Variants in SMURF1 observed in about 807,000 individuals in gnomAD.
The protein encoded by SMURF1 is E3 ubiquitin-protein ligase SMURF1.
A neutral mutation model predicts 98.0 loss-of-function variants in SMURF1; 44 were observed. The observed-to-expected ratio is 0.45, with a 90% CI of 0.35 to 0.58. The LOEUF (loss-of-function observed/expected upper bound fraction) is 0.58. Ranked by LOEUF, SMURF1 falls within the 20% of genes least tolerant of loss-of-function variation. The pLI is 0.00. For synonymous variants in SMURF1, 396 were observed against 374.9 expected, an observed-to-expected ratio of 1.06 and a Z score of -0.65; for missense variants, 687 against 938.4, an observed-to-expected ratio of 0.73 and a Z score of 3.50.
intron 15 of SMURF1, among the ~76,000 whole-genome samples, chr7:99,036,772 A>G (rs370152465): frequency 1.3e-5 from 2 of 152,172 alleles, no homozygotes; most frequent in African/African-American, 4.8e-5. Context: ...GGAGAGGGCT[A>G]TGCAATCTCC....
intron 1 of SMURF1, among the ~76,000 whole-genome samples, chr7:99,102,220 T>A (rs1198852433): frequency 6.6e-6 from 1 of 152,204 alleles, no homozygotes; most frequent in Admixed American, 6.5e-5. Flanking sequence ...AAAATCTCCC[T>A]AATATTATGA....
chr7:99,080,019 T>A lies in SMURF1; in HGVS notation c.56-18182A>T, dbSNP rs540144444. On this transcript the variant is annotated intron_variant, in intron 1 of 17. Transcript: ENST00000361368. ...AAGAAAAAAAAAAAAAGAACAAACC[T>A]TTTTAAGTAAGCTCAAGAAAAAGAA... Among the ~76,000 whole-genome samples the A allele has an allele frequency of 7.9e-5, 12 of 150,988 alleles. No homozygotes were observed. In the East Asian group the frequency reaches 1.5e-3, roughly 19 times the overall value.
In SMURF1 at chr7:99,030,642, T is replaced by G; in HGVS notation, c.2138A>C (p.Lys713Thr). The change falls in exon 18 of 18, where the codon AAG (lysine) becomes ACG (threonine). Residue 713 changes from lysine (K) to threonine (T), a missense_variant. By Grantham distance (78) the Lys-to-Thr change is moderately conservative (BLOSUM62 -1). This residue lies in a region of SMURF1 where 272 missense variants were observed against 430.0 expected (regional missense o/e 0.63). Coordinates refer to ENST00000361368, the MANE Select transcript of SMURF1 (RefSeq NM_181349.3). The stretch of plus-strand genomic sequence containing the variant: ...GGCTGTCAGCAGCTTCTCGTAGAGC[T>G]TCTCATAGGACTCATATGGTGGAAT... ...IDIPPYESYE[K>T]LYEKLLTAVE... 6.2e-7 allele frequency: 1 copy of G among 1,614,154 alleles called. No individual in the cohort carries two copies. The highest frequency in any genetic ancestry group is 8.5e-7 in the Non-Finnish European group (1 of 1,180,024).
chr7:99,106,128 G>A (rs1797189231), intron 1 of SMURF1, among the ~76,000 whole-genome samples: 1 of 152,182 alleles, frequency 6.6e-6, no homozygotes, highest in South Asian at 2.1e-4. Context: ...CTACAAAGCA[G>A]GGACTACATC....
At chr7:99,142,062 G>C (rs1798130777) in intron 1 of SMURF1, among the ~76,000 whole-genome samples, 1 of 152,228 alleles carries the variant, frequency 6.6e-6, no homozygotes, top group Non-Finnish European at 1.5e-5. Context: ...CAATGAGAGT[G>C]AGAAAGGGAA....
At chr7:99,057,587 T>C in intron 3 of SMURF1, 36 bp from the exon 4 acceptor site, 1 of 1,449,874 alleles carries the variant, frequency 6.9e-7, no homozygotes, top group Non-Finnish European at 8.9e-7. Context: ...TTTAATTGTG[T>C]TTGGTTTTTT....
intron 1 of SMURF1, among the ~76,000 whole-genome samples, chr7:99,073,503 G>A (rs981878787): frequency 5.4e-5 from 8 of 148,918 alleles, no homozygotes; most frequent in Admixed American, 2.0e-4. Context: ...AGTGGCTCAC[G>A]CCTGTAATCC....
rs537016124 is a variant in SMURF1, at chr7:99,032,283, A to C, written c.2096+754T>G. Among the ~76,000 whole-genome samples the C allele has an allele frequency of 3.3e-5, 5 of 152,368 alleles. No individual in the cohort carries two copies. In the South Asian group the frequency reaches 1.0e-3, roughly 32 times the overall value. The stretch of plus-strand genomic sequence containing the variant: ...ACAACCTTTGTGTGGGACGCTGCAA[A>C]GTACTTGTCCCATCTGACACAAGCA... On this transcript the variant is annotated intron_variant, in intron 17 of 17. Coordinates refer to ENST00000361368, the MANE Select transcript of SMURF1 (RefSeq NM_181349.3).
intron 7 of SMURF1, among the ~76,000 whole-genome samples, 167 bp downstream of exon 7, chr7:99,052,038 C>T (rs1563006388): frequency 6.6e-6 from 1 of 152,112 alleles, no homozygotes; most frequent in Non-Finnish European, 1.5e-5. Context: ...AGCCCAGCTA[C>T]TCGCGAGGAT....
At position 99,081,934 on chromosome 7, in the gene SMURF1, T is replaced by A. The variant is rs147440738; in HGVS notation, c.56-20097A>T. 1.0e-3 allele frequency among the ~76,000 whole-genome samples: 159 copies of A among 152,364 alleles called. No individual in the cohort carries two copies. The East Asian group carries it at 0.024, about 23-fold the overall frequency. ...TCCCAAAGTGCTGGGATTACAGGCA[T>A]GAGCCACCACACCTGGCCTGATCGC... On this transcript the variant is annotated intron_variant, in intron 1 of 17. Coordinates refer to ENST00000361368, the MANE Select transcript of SMURF1 (RefSeq NM_181349.3).
intron 1 of SMURF1, among the ~76,000 whole-genome samples, chr7:99,114,571 T>C (rs555371790): frequency 2.0e-4 from 30 of 152,180 alleles, no homozygotes; most frequent in Non-Finnish European, 3.7e-4. Context: ...GAGACAGCAA[T>C]ACTCCATTTT....
At chr7:99,040,690 C>A in intron 12 of SMURF1, 134 bp from the exon 13 acceptor site, 1 of 765,132 alleles carries the variant, frequency 1.3e-6, no homozygotes, top group Non-Finnish European at 1.8e-6. Flanking sequence ...ACTCACAGGC[C>A]CCGCTCCTGA....
rs1554453259 is a variant in SMURF1, at chr7:99,144,043, G to GCCGCCTCCACCA, written c.-275_-264dup. ...CGCCGCCGCCTCCGCCGCCGCCTCC[G>GCCGCCTCCACCA]CCGCCTCCACCACCTCAGAGCCGGA... On this transcript the variant is annotated 5_prime_UTR_variant, in exon 1 of 18. Coordinates refer to ENST00000361368, the MANE Select transcript of SMURF1 (RefSeq NM_181349.3). The GCCGCCTCCACCA allele has an allele frequency of 1.9e-5, 4 of 210,352 alleles. No individual in the cohort carries two copies. Among genetic ancestry groups the GCCGCCTCCACCA allele is most frequent in the Non-Finnish European group, 3.6e-5 (4 of 109,904 alleles). 13.0% of individuals were successfully genotyped at this position (210,352 alleles called of 1,614,324 possible). A position where few individuals can be genotyped will look rare whatever the true frequency, so the allele number is the denominator to read the frequency against.
intron 1 of SMURF1, among the ~76,000 whole-genome samples, chr7:99,063,594 T>C (rs970157221): frequency 6.6e-6 from 1 of 151,522 alleles, no homozygotes; most frequent in African/African-American, 2.4e-5. Context: ...CCAACCAAGA[T>C]ACGATTTATA....
chr7:99,049,462 C>T, intron 9 of SMURF1, 101 bp downstream of exon 9: 1 of 1,205,492 alleles, frequency 8.3e-7, no homozygotes, highest in Non-Finnish European at 1.2e-6. Flanking sequence ...TGCTTATTAT[C>T]CAACCAGCAA....
At chr7:99,045,206 C>T (rs1795533152) in intron 11 of SMURF1, among the ~76,000 whole-genome samples, 1 of 152,080 alleles carries the variant, frequency 6.6e-6, no homozygotes, top group South Asian at 2.1e-4. Flanking sequence ...AGCAGTTTTT[C>T]ATCATTCTAT....
intron 1 of SMURF1, among the ~76,000 whole-genome samples, chr7:99,126,489 C>T (rs1797748362): frequency 6.6e-6 from 1 of 151,822 alleles, no homozygotes; most frequent in Admixed American, 6.6e-5. Context: ...AACCCTGTCT[C>T]TATTAAAAAT....
At chr7:99,092,647 C>G (rs965216282) in intron 1 of SMURF1, among the ~76,000 whole-genome samples, 1 of 152,100 alleles carries the variant, frequency 6.6e-6, no homozygotes, top group Non-Finnish European at 1.5e-5. Flanking sequence ...AGAATGGTCC[C>G]CAAGCAAAGT....
intron 1 of SMURF1, among the ~76,000 whole-genome samples, chr7:99,109,610 A>AC (rs2150602212): frequency 6.6e-6 from 1 of 152,256 alleles, no homozygotes; most frequent in South Asian, 2.1e-4. Flanking sequence ...CTATCCTAGT[A>AC]CCCCATTTCC....
Sources: gnomAD v4.1 joint callset for allele counts (sites outside exome capture counted in the v4.1 genomes callset) on GRCh38, gnomAD v4.1.1 for gene constraint, gnomAD v4.1.1 regional missense constraint, MANE v1.5 for transcripts, NCBI Gene and HGNC (gene_info 2026-07-23, HGNC 2026-07-21) for gene names.